The following ZBTB46 variants were observed in gnomAD, a reference collection of about 807,000 sequenced individuals.
The protein encoded by ZBTB46 is zinc finger and BTB domain containing 46.
A neutral mutation model predicts 44.1 loss-of-function variants in ZBTB46; 8 were observed. The ratio of observed to expected loss-of-function variants is 0.18; its 90% confidence interval spans 0.11 to 0.33. The LOEUF (loss-of-function observed/expected upper bound fraction) is 0.33, where lower values mean the gene tolerates loss of function less well. Ranked by LOEUF, ZBTB46 falls within the 10% of genes least tolerant of loss-of-function variation. ZBTB46 has a pLI of 1.00. For synonymous variants in ZBTB46, 409 were observed against 382.3 expected, an observed-to-expected ratio of 1.07 and a Z score of -0.81; for missense variants, 651 against 847.7, an observed-to-expected ratio of 0.77 and a Z score of 2.88.
chr20:63,746,885 G>A lies in ZBTB46; in HGVS notation c.*45C>T, dbSNP rs776638901. On this transcript the variant is annotated 3_prime_UTR_variant, in exon 5 of 5. Transcript: ENST00000245663. Reference sequence around the variant, plus strand: ...GTGGAGACCCACCGGACACACACACGGGTGGACGGAGCGAGGCAGCCACCG... The same window carrying A: ...GTGGAGACCCACCGGACACACACACAGGTGGACGGAGCGAGGCAGCCACCG... 14 of 1,474,740 alleles carry A rather than the reference G, an allele frequency of 9.5e-6. No individual in the cohort carries two copies. The highest frequency in any genetic ancestry group is 8.2e-5 in the South Asian group (6 of 73,112). The allele number at this position is 1,474,740 out of a possible 1,614,324, so 91.4% of individuals were successfully genotyped here.
intron 2 of ZBTB46, among the ~76,000 whole-genome samples, chr20:63,784,340 T>C (rs6089995): frequency 0.55 from 83,127 of 152,056 alleles, 22,870 homozygotes; most frequent in South Asian, 0.62. Flanking sequence ...TTGCAGGCAG[T>C]GCTAGGCACC....
chr20:63,765,230 G>A (rs181656326), intron 3 of ZBTB46, among the ~76,000 whole-genome samples: 21 of 151,914 alleles, frequency 1.4e-4, no homozygotes, highest in Admixed American at 7.9e-4. Flanking sequence ...CTCAAGTCCC[G>A]GCTCCTCTGG....
At chr20:63,788,565 G>A (rs189437409) in intron 2 of ZBTB46, among the ~76,000 whole-genome samples, 21 of 152,228 alleles carry the variant, frequency 1.4e-4, no homozygotes, top group Admixed American at 3.9e-4. Context: ...TCAGCCAGGC[G>A]CGGTGGCTCA....
intron 1 of ZBTB46, among the ~76,000 whole-genome samples, chr20:63,794,214 T>G (rs2092583654): frequency 6.6e-6 from 1 of 150,498 alleles, no homozygotes. Flanking sequence ...AAGTTATCTA[T>G]CCACTAAAAG....
chr20:63,778,588 A>C (rs2092443648), intron 2 of ZBTB46, among the ~76,000 whole-genome samples: 2 of 152,176 alleles, frequency 1.3e-5, no homozygotes, highest in South Asian at 4.1e-4. Flanking sequence ...GGCCCCCGTC[A>C]GGCAGCACAC....
chr20:63,797,541 T>C (rs1259589954), intron 1 of ZBTB46, among the ~76,000 whole-genome samples: 1 of 152,228 alleles, frequency 6.6e-6, no homozygotes, highest in African/African-American at 2.4e-5. Context: ...CTGGGTCAAA[T>C]AGTATTTCTA....
At position 63,769,300 on chromosome 20, in the gene ZBTB46, C is replaced by T. The variant is rs936893889; in HGVS notation, c.1222+6378G>A. 8.1e-6 allele frequency: 8 copies of T among 985,306 alleles called. No individual in the cohort carries two copies. The African/African-American group carries it at 8.7e-5, about 11-fold the overall frequency. 61.0% of individuals were successfully genotyped at this position (985,306 alleles called of 1,614,324 possible). On this transcript the variant is annotated intron_variant, in intron 3 of 4. Coordinates refer to ENST00000245663, the MANE Select transcript of ZBTB46 (RefSeq NM_001369741.1). ...TCCCTGGGCTGGGTCTGGCGGTTCC[C>T]CAGAGCTCATCCTGTGGCTCTGAGG... is the stretch of plus-strand genomic sequence containing the variant.
At chr20:63,826,037 C>A (rs2092817773) in intron 1 of ZBTB46, among the ~76,000 whole-genome samples, 1 of 152,226 alleles carries the variant, frequency 6.6e-6, no homozygotes, top group Non-Finnish European at 1.5e-5. Context: ...TAGCCCAAGG[C>A]ACAGCAGTGC....
intron 3 of ZBTB46, chr20:63,775,355 C>A: frequency 3.7e-6 from 1 of 267,924 alleles, no homozygotes; most frequent in Non-Finnish European, 7.0e-6. Context: ...CACAAAGACC[C>A]CCGGCCCCTG....
intron 2 of ZBTB46, among the ~76,000 whole-genome samples, chr20:63,777,309 A>C (rs1174379976): frequency 6.6e-6 from 1 of 152,146 alleles, no homozygotes; most frequent in Non-Finnish European, 1.5e-5. Flanking sequence ...AAGTTAAAAT[A>C]AAACAAAATT....
chr20:63,772,720 AAAACACACACAC>A (rs1185233792), intron 3 of ZBTB46, among the ~76,000 whole-genome samples: 12 of 113,134 alleles, frequency 1.1e-4, no homozygotes, highest in African/African-American at 4.0e-4. Context: ...CCCTGTCTCA[AAAACACACACAC>A]ACACACACAC....
Position 63,790,377 on chromosome 20 carries a change from C to T in ZBTB46, c.381G>A (p.Ala127=), listed in dbSNP as rs140386347. 1.2e-5 allele frequency: 20 copies of T among 1,613,050 alleles called. No homozygotes were observed. Among genetic ancestry groups the T allele is most frequent in the African/African-American group, 4.0e-5 (3 of 74,942 alleles). ...CCGACTTGATGCTGATGTCCAGCGC[C>T]GCCTTGATGAAGTCGTGGCAGGCTT... ...IVQACHDFIK[A]ALDISIKSDA... The change falls in exon 2 of 5, where the codon GCG becomes GCA. Residue 127 remains alanine (A), a synonymous_variant. Coordinates refer to ENST00000245663, the MANE Select transcript of ZBTB46 (RefSeq NM_001369741.1).
At chr20:63,816,040 C>A (rs565160064) in intron 1 of ZBTB46, among the ~76,000 whole-genome samples, 1 of 130,320 alleles carries the variant, frequency 7.7e-6, no homozygotes, top group East Asian at 2.4e-4. Context: ...GGCACAGGTG[C>A]GGTGGGTGCA....
rs141380380 is a variant in ZBTB46, at chr20:63,780,212, G to A, written c.938-4250C>T. ...CTTGAACCAGGGAGACAGAGGTTGC[G>A]GTGAGCCGAGATCACACCATTGCAC... On this transcript the variant is annotated intron_variant, in intron 2 of 4. Coordinates refer to ENST00000245663, the MANE Select transcript of ZBTB46 (RefSeq NM_001369741.1). Among the ~76,000 whole-genome samples the A allele has an allele frequency of 2.0e-3, 302 of 151,688 alleles. 3 individuals are homozygous for A. Among genetic ancestry groups the A allele is most frequent in the African/African-American group, 6.8e-3 (282 of 41,336 alleles).
Position 63,803,979 on chromosome 20 carries a change from G to A in ZBTB46, c.-33-13189C>T, listed in dbSNP as rs1359446138. On this transcript the variant is annotated intron_variant, in intron 1 of 4. Transcript: ENST00000245663. This position sits in a 1 kb window ranked among gnomAD's most constrained non-coding sequence, Gnocchi z 4.0. The stretch of plus-strand genomic sequence containing the variant: ...TTCTCAAAGCGCTGGGATGATAGGC[G>A]TGAGCCACTGCACCGACATAACGTC... Among the ~76,000 whole-genome samples the A allele has an allele frequency of 6.6e-6, 1 of 152,194 alleles. No individual in the cohort carries two copies. The highest frequency in any genetic ancestry group is 1.5e-5 in the Non-Finnish European group (1 of 68,032).
Position 63,744,864 on chromosome 20 carries a change from G to A in ZBTB46, c.*2066C>T, listed in dbSNP as rs2092073581. On this transcript the variant is annotated 3_prime_UTR_variant, in exon 5 of 5. Coordinates refer to ENST00000245663, the MANE Select transcript of ZBTB46 (RefSeq NM_001369741.1). ...GCAGGACATCCTGAGTGTGGAGGGG[G>A]AGGCGGGCCTGGGTCCTGGGCAGGG... 6.6e-6 allele frequency: 1 copy of A among 152,530 alleles called. No individual in the cohort carries two copies. The allele number at this position is 152,530 out of a possible 1,614,324, so 9.4% of individuals were successfully genotyped here. A position where few individuals can be genotyped will look rare whatever the true frequency, so the allele number is the denominator to read the frequency against.
chr20:63,795,506 C>T (rs1414133447), intron 1 of ZBTB46, among the ~76,000 whole-genome samples: 1 of 152,242 alleles, frequency 6.6e-6, no homozygotes, highest in Non-Finnish European at 1.5e-5. Context: ...CTTTTGGGGG[C>T]TATTTCAAAC....
intron 4 of ZBTB46, among the ~76,000 whole-genome samples, chr20:63,748,394 C>T (rs2872979): frequency 0.34 from 51,282 of 151,996 alleles, 8,820 homozygotes; most frequent in Admixed American, 0.39. Context: ...GGTGGGCTTC[C>T]GCTGAGGGTG....
rs143584140 is a variant in ZBTB46, at chr20:63,826,070, G to A, written c.-34+5027C>T. Among the ~76,000 whole-genome samples the A allele has an allele frequency of 2.2e-3, 335 of 152,352 alleles. 1 individual carries two copies. Among genetic ancestry groups the A allele is most frequent in the Non-Finnish European group, 3.9e-3 (267 of 68,040 alleles). On this transcript the variant is annotated intron_variant, in intron 1 of 4. Transcript: ENST00000245663. ...TGCCCCTCTCCACATCTCCACAGAGGAGCACCGACGCAGGCCTCGTGTGCA... is the reference window on the plus strand; with the variant it reads ...TGCCCCTCTCCACATCTCCACAGAGAAGCACCGACGCAGGCCTCGTGTGCA...
Sources: gnomAD v4.1 joint callset for allele counts (sites outside exome capture counted in the v4.1 genomes callset) on GRCh38, gnomAD v4.1.1 for gene constraint, Gnocchi (gnomAD v3.1) non-coding constraint, MANE v1.5 for transcripts, NCBI Gene and HGNC (gene_info 2026-07-23, HGNC 2026-07-21) for gene names.